Variants in RASA2 observed in about 807,000 individuals in gnomAD.
RASA2 encodes the protein RAS p21 protein activator 2.
RASA2 carries 155 observed loss-of-function variants against 118.2 expected under a neutral mutation model. The observed-to-expected ratio is 1.31, with a 90% CI of 1.15 to 1.50. RASA2 has a LOEUF of 1.50. Among genes scored for constraint, RASA2 ranks in the 40% most tolerant of loss-of-function variants. RASA2 has a pLI of 0.00. For synonymous variants in RASA2, 353 were observed against 349.1 expected (o/e 1.01, Z -0.12); for missense variants, 1,016 against 1,009.6 (o/e 1.01, Z -0.09).
At chr3:141,534,592 GT>G (rs34888832) in intron 4 of RASA2, among the ~76,000 whole-genome samples, 49,453 of 147,592 alleles carry the variant, frequency 0.34, 8,648 homozygotes, top group African/African-American at 0.42. Context: ...TTTTATAGGT[GT>G]TTTTTTTTTT....
intron 17 of RASA2, among the ~76,000 whole-genome samples, chr3:141,582,261 T>C (rs2107771689): frequency 6.6e-6 from 1 of 152,334 alleles, no homozygotes; most frequent in African/African-American, 2.4e-5. Context: ...TTCAAGTCCG[T>C]TGGAATATTT....
chr3:141,595,077 G>A (rs560372631), intron 19 of RASA2, among the ~76,000 whole-genome samples: 1 of 152,164 alleles, frequency 6.6e-6, no homozygotes, highest in East Asian at 1.9e-4. Flanking sequence ...ATGAGTTAAG[G>A]CTGTATATTA....
At chr3:141,591,386 C>T (rs2083283066) in intron 19 of RASA2, among the ~76,000 whole-genome samples, 1 of 152,174 alleles carries the variant, frequency 6.6e-6, no homozygotes, top group Non-Finnish European at 1.5e-5. Context: ...ATGGCTACCT[C>T]AGTGTAGCCA....
chr3:141,574,217 T>A (rs2082971853), intron 14 of RASA2, 150 bp downstream of exon 14: 1 of 444,746 alleles, frequency 2.2e-6, no homozygotes, highest in Non-Finnish European at 3.1e-6. Flanking sequence ...TGAGACGGAG[T>A]CTTGCTCTGT....
At chr3:141,612,235 A>G in intron 23 of RASA2, 48 bp from the exon 24 acceptor site, 1 of 1,387,400 alleles carries the variant, frequency 7.2e-7, no homozygotes, top group Non-Finnish European at 1.0e-6. Flanking sequence ...CACCCTTTAA[A>G]TTTTTGTATT....
In RASA2 at chr3:141,615,045, T is replaced by G. The variant is rs1057314947; in HGVS notation, c.*2732T>G. ...TTCTGCATAGCCTTTTAGGTGTTTT[T>G]ACAGTATGTGAAAAATACAAGACTC... On this transcript the variant is annotated 3_prime_UTR_variant, in exon 24 of 24. Coordinates refer to ENST00000286364, the MANE Select transcript of RASA2 (RefSeq NM_006506.5). The G allele has an allele frequency of 6.6e-6, 1 of 152,206 alleles. No individual in the cohort carries two copies. Among genetic ancestry groups the G allele is most frequent in the Non-Finnish European group, 1.5e-5 (1 of 68,032 alleles). 9.4% of individuals were successfully genotyped at this position (152,206 alleles called of 1,614,324 possible).
At chr3:141,488,186 T>C (rs888452193) in intron 1 of RASA2, among the ~76,000 whole-genome samples, 1 of 152,184 alleles carries the variant, frequency 6.6e-6, no homozygotes, top group African/African-American at 2.4e-5. Context: ...TCACAGTGGT[T>C]TATTTAGATG....
At chr3:141,576,447 C>T (rs569649606) in intron 14 of RASA2, among the ~76,000 whole-genome samples, 17 of 152,298 alleles carry the variant, frequency 1.1e-4, no homozygotes, top group Admixed American at 2.0e-4. Flanking sequence ...CAGTCTGAAA[C>T]GAAAGTTGTA....
intron 1 of RASA2, among the ~76,000 whole-genome samples, chr3:141,511,085 GA>G (rs2081944117): frequency 1.3e-5 from 2 of 152,138 alleles, no homozygotes; most frequent in Admixed American, 1.3e-4. Context: ...TTGGATTTGG[GA>G]TTTATTTTGG....
At chr3:141,590,000 G>A (rs535436172) in intron 19 of RASA2, 1 of 401,828 alleles carries the variant, frequency 2.5e-6, no homozygotes, top group Admixed American at 3.1e-5. Context: ...AATGACATTG[G>A]AGGAATGAGA....
chr3:141,531,484 G>GTA (rs1174540358), intron 4 of RASA2, among the ~76,000 whole-genome samples: 96 of 150,614 alleles, frequency 6.4e-4, no homozygotes, highest in African/African-American at 2.1e-3. Context: ...GCATATATAT[G>GTA]TATATATATA....
chr3:141,600,343 A>C, intron 19 of RASA2: 3 of 526,444 alleles, frequency 5.7e-6, no homozygotes, highest in Non-Finnish European at 1.2e-5. Flanking sequence ...GTTGTCTCTA[A>C]GCAATTGCAT....
Position 141,558,885 on chromosome 3 carries a change from G to C in RASA2, c.685-1G>C, listed in dbSNP as rs778990407. The C allele has an allele frequency of 6.3e-7, 1 of 1,591,998 alleles. No homozygotes were observed. Among genetic ancestry groups the C allele is most frequent in the Non-Finnish European group, 8.6e-7 (1 of 1,161,846 alleles). ...TTTTTACTAAAATATTTTGTTTACA[G>C]GTAACCAGATCCAGTAGTTACACCA... On this transcript the variant is annotated splice_acceptor_variant, in intron 7 of 23. Coordinates refer to ENST00000286364, the MANE Select transcript of RASA2 (RefSeq NM_006506.5). LOFTEE classifies it high-confidence loss of function.
At chr3:141,487,307 T>G (rs2081589472) in intron 1 of RASA2, 91 bp downstream of exon 1, 2 of 1,141,512 alleles carry the variant, frequency 1.8e-6, no homozygotes, top group African/African-American at 1.7e-5. Context: ...GGCGCCGAGC[T>G]GCGCTGGGAT....
Position 141,580,085 on chromosome 3 carries a change from A to ATATATATAT in RASA2, c.1591-283_1591-282insTATATATAT, listed in dbSNP as rs1353911779. On this transcript the variant is annotated intron_variant, in intron 15 of 23. Transcript: ENST00000286364. Reference sequence around the variant, plus strand: ...AAAAAAAAAGAAAAAAAAAAAAAAAAATATATATATATATATATATATATA... The same window carrying ATATATATAT: ...AAAAAAAAAGAAAAAAAAAAAAAAAATATATATATATATATATATATATATATATATATA... Among the ~76,000 whole-genome samples, 154 of 59,564 alleles carry ATATATATAT rather than the reference A, an allele frequency of 2.6e-3. 1 individual carries two copies. Among genetic ancestry groups the ATATATATAT allele is most frequent in the South Asian group, 4.5e-3 (5 of 1,102 alleles). 39.1% of individuals were successfully genotyped at this position (59,564 alleles called of 152,430 possible).
At chr3:141,526,240 T>G (rs2082182851) in intron 3 of RASA2, 1 of 152,202 alleles carries the variant, frequency 6.6e-6, no homozygotes, top group East Asian at 1.9e-4. Flanking sequence ...GGCTTTTCTT[T>G]CAGTTCAGTG....
At chr3:141,491,021 C>G (rs2081633993) in intron 1 of RASA2, among the ~76,000 whole-genome samples, 1 of 152,190 alleles carries the variant, frequency 6.6e-6, no homozygotes, top group Non-Finnish European at 1.5e-5. Flanking sequence ...ATGTTCTTGT[C>G]CAATGTATAC....
chr3:141,568,435 G>T (rs1242784147), intron 9 of RASA2, among the ~76,000 whole-genome samples: 3 of 151,970 alleles, frequency 2.0e-5, no homozygotes, highest in Non-Finnish European at 4.4e-5. Context: ...GTAGTTAACA[G>T]GTTCCTAAGA....
chr3:141,548,271 A>C (rs1038727483), intron 5 of RASA2, among the ~76,000 whole-genome samples: 2 of 151,998 alleles, frequency 1.3e-5, no homozygotes, highest in Non-Finnish European at 2.9e-5. Context: ...TTCTTCTTGA[A>C]ATATTTGGTA....
Sources: allele counts gnomAD v4.1 joint callset (sites outside exome capture counted in the v4.1 genomes callset), GRCh38; gene constraint gnomAD v4.1.1; transcripts MANE v1.5; gene names NCBI Gene and HGNC (gene_info 2026-07-23, HGNC 2026-07-21).